Variants in UNC5C observed in about 807,000 individuals in gnomAD.
The protein encoded by UNC5C is netrin receptor UNC5C.
A neutral mutation model predicts 99.8 loss-of-function variants in UNC5C; 47 were observed. The observed-to-expected ratio is 0.47, with a 90% CI of 0.37 to 0.60. The LOEUF (loss-of-function observed/expected upper bound fraction) is 0.60. UNC5C is among the 20% of genes least tolerant of loss of function. UNC5C has a pLI of 0.00. For missense variants in UNC5C, 1,062 were observed against 1,165.9 expected (o/e 0.91, Z 1.30); for synonymous variants, 487 against 452.2 (o/e 1.08, Z -0.98).
intron 1 of UNC5C, among the ~76,000 whole-genome samples, chr4:95,437,292 A>G (rs1193443929): frequency 6.6e-6 from 1 of 151,896 alleles, no homozygotes; most frequent in Non-Finnish European, 1.5e-5. Context: ...CTGAATATTG[A>G]ATTTGCATTT....
In UNC5C at chr4:95,301,615, G is replaced by A. The variant is rs1741881583; in HGVS notation, c.481C>T (p.Arg161Cys). The change falls in exon 3 of 16, where the codon CGC (arginine) becomes TGC (cysteine). Residue 161 changes from arginine to cysteine, a missense_variant. Physicochemically the swap from Arg to Cys is radical, Grantham distance 180. Around this residue, in one of 3 missense-constraint regions of UNC5C, gnomAD observed 249 missense variants for 295.1 expected, o/e 0.84. Transcript: ENST00000453304. Reference sequence around the variant, plus strand: ...TTGTACAATGACTCACATGCAATGCGCACATACGCCTTCCGGCTCTTTGTG... The same window carrying A: ...TTGTACAATGACTCACATGCAATGCACACATACGCCTTCCGGCTCTTTGTG... Reference protein sequence around the residue: ...GTTKSRKAYVRIAYLRKTFEQ... With the variant: ...GTTKSRKAYVCIAYLRKTFEQ... 1 of 1,613,972 alleles carries A rather than the reference G, an allele frequency of 6.2e-7. No homozygotes were observed. Among genetic ancestry groups the A allele is most frequent in the East Asian group, 2.2e-5 (1 of 44,856 alleles).
At chr4:95,304,386 C>T (rs944937638) in intron 2 of UNC5C, among the ~76,000 whole-genome samples, 2 of 152,156 alleles carry the variant, frequency 1.3e-5, no homozygotes, top group African/African-American at 2.4e-5. Flanking sequence ...ACTAATGTAA[C>T]AATCCTCTCA....
intron 2 of UNC5C, among the ~76,000 whole-genome samples, chr4:95,312,307 T>C (rs1742305727): frequency 6.6e-6 from 1 of 152,210 alleles, no homozygotes; most frequent in Non-Finnish European, 1.5e-5. Context: ...GGCCCTGTCC[T>C]ATGCATTCTG....
chr4:95,277,890 C>T lies in UNC5C; in HGVS notation c.594+369G>A, dbSNP rs1740917804. Among the ~76,000 whole-genome samples, 3 of 152,320 alleles carry T rather than the reference C, an allele frequency of 2.0e-5. No homozygotes were observed. In the South Asian group the frequency reaches 6.2e-4, roughly 32 times the overall value. On this transcript the variant is annotated intron_variant, in intron 4 of 15. Transcript: ENST00000453304. The stretch of plus-strand genomic sequence containing the variant: ...GCTCACAGACACAGAAAAACACACT[C>T]TCTTCTTACACTCACATTTTTCGCA...
chr4:95,471,137 G>A (rs1401606248), intron 1 of UNC5C, among the ~76,000 whole-genome samples: 17 of 151,882 alleles, frequency 1.1e-4, no homozygotes, highest in Admixed American at 8.5e-4. Flanking sequence ...CTATGAGGGC[G>A]GGGTGGGGGT....
chr4:95,185,276 T>G (rs1736787371), intron 12 of UNC5C, 80 bp from the exon 13 acceptor site: 2 of 1,494,602 alleles, frequency 1.3e-6, no homozygotes, highest in South Asian at 2.7e-5. Context: ...ATAAGTTTCT[T>G]TACTGCCTCC....
intron 1 of UNC5C, among the ~76,000 whole-genome samples, chr4:95,467,405 G>T (rs1434343687): frequency 6.6e-6 from 1 of 152,100 alleles, no homozygotes; most frequent in Non-Finnish European, 1.5e-5. Context: ...TCAACCCACA[G>T]ATAAAAACAG....
intron 1 of UNC5C, among the ~76,000 whole-genome samples, chr4:95,421,777 G>A (rs1746327222): frequency 6.6e-6 from 1 of 152,070 alleles, no homozygotes; most frequent in Admixed American, 6.6e-5. Context: ...GTTTTTGAGA[G>A]CACTCAGTCT....
At chr4:95,227,955 G>T (rs535896205) in intron 7 of UNC5C, among the ~76,000 whole-genome samples, 5 of 152,098 alleles carry the variant, frequency 3.3e-5, no homozygotes, top group Non-Finnish European at 5.9e-5. Flanking sequence ...TTAGACTAGA[G>T]GTGAGGTTGC....
At chr4:95,203,213 T>C (rs1737752814) in intron 11 of UNC5C, among the ~76,000 whole-genome samples, 1 of 152,180 alleles carries the variant, frequency 6.6e-6, no homozygotes, top group Non-Finnish European at 1.5e-5. Flanking sequence ...ACATTTTCCC[T>C]AAAAATCTGT....
chr4:95,356,206 A>AAAAC (rs1560801745), intron 1 of UNC5C, among the ~76,000 whole-genome samples: 17 of 140,944 alleles, frequency 1.2e-4, no homozygotes, highest in South Asian at 2.3e-4. Context: ...AAAAAAAAAA[A>AAAAC]AAAAAACAAA....
intron 1 of UNC5C, among the ~76,000 whole-genome samples, chr4:95,537,839 C>G (rs559089918): frequency 6.6e-6 from 1 of 152,218 alleles, no homozygotes; most frequent in African/African-American, 2.4e-5. Context: ...ACACACATAA[C>G]AGTGTTTGGG....
intron 1 of UNC5C, among the ~76,000 whole-genome samples, chr4:95,450,340 C>T (rs1747246903): frequency 1.3e-5 from 2 of 152,226 alleles, no homozygotes; most frequent in South Asian, 4.1e-4. Context: ...ACATATCAGC[C>T]TCCTGAGTAG....
At chr4:95,510,376 G>C (rs903599826) in intron 1 of UNC5C, among the ~76,000 whole-genome samples, 10 of 151,928 alleles carry the variant, frequency 6.6e-5, no homozygotes, top group Admixed American at 2.6e-4. Flanking sequence ...TTATAAATAC[G>C]TGAATGACTA....
At chr4:95,458,770 C>G (rs72876419) in intron 1 of UNC5C, among the ~76,000 whole-genome samples, 8,062 of 151,994 alleles carry the variant, frequency 0.053, 670 homozygotes, top group African/African-American at 0.18. Flanking sequence ...CATATGCCTA[C>G]TCTTTTAATC....
chr4:95,456,982 A>G (rs771242354), intron 1 of UNC5C, among the ~76,000 whole-genome samples: 10 of 152,132 alleles, frequency 6.6e-5, no homozygotes, highest in Non-Finnish European at 1.0e-4. Context: ...TCTAAGTTCA[A>G]TGTTCCCAGA....
chr4:95,201,006 C>T (rs534038663), intron 12 of UNC5C, among the ~76,000 whole-genome samples: 5 of 152,066 alleles, frequency 3.3e-5, no homozygotes, highest in African/African-American at 9.7e-5. Flanking sequence ...CCAGAGAGCT[C>T]TCTCCCCAGC....
chr4:95,421,974 TGC>T (rs1297832909), intron 1 of UNC5C, among the ~76,000 whole-genome samples: 1 of 152,234 alleles, frequency 6.6e-6, no homozygotes, highest in East Asian at 1.9e-4. Context: ...TTCATTTATT[TGC>T]ACTAGCAAAA....
rs562779376 is a variant in UNC5C at position 95,190,533 on chromosome 4, T to C, written c.2137-5337A>G. Among the ~76,000 whole-genome samples the C allele has an allele frequency of 2.0e-5, 3 of 152,254 alleles. No homozygotes were observed. The South Asian group carries it at 6.2e-4, about 32-fold the overall frequency. On this transcript the variant is annotated intron_variant, in intron 12 of 15. Coordinates refer to ENST00000453304, the MANE Select transcript of UNC5C (RefSeq NM_003728.4). ...TCGGGACAAAGTCTTGCCTTGTTGCTCCTTGAACTCTTGCACTCAAGTAAA... is the reference window on the plus strand; with the variant it reads ...TCGGGACAAAGTCTTGCCTTGTTGCCCCTTGAACTCTTGCACTCAAGTAAA...
Sources: gnomAD v4.1 joint callset for allele counts (sites outside exome capture counted in the v4.1 genomes callset) on GRCh38, gnomAD v4.1.1 for gene constraint, gnomAD v4.1.1 regional missense constraint, MANE v1.5 for transcripts, NCBI Gene and HGNC (gene_info 2026-07-23, HGNC 2026-07-21) for gene names.